Variants in CCDC18 observed in about 807,000 individuals in gnomAD.
CCDC18 encodes the protein coiled-coil domain containing 18.
A neutral mutation model predicts 196.0 loss-of-function variants in CCDC18; 157 were observed. The observed-to-expected ratio is 0.80, with a 90% confidence interval of 0.70 to 0.91. The LOEUF is 0.91. Ranked by LOEUF, CCDC18 falls within the 40% of genes least tolerant of loss-of-function variation. The probability of loss-of-function intolerance (pLI) is 0.00; values close to 1 mark genes in which losing one functional copy is unlikely to be tolerated. For missense variants in CCDC18, 1,465 were observed against 1,611.6 expected, an observed-to-expected ratio of 0.91 and a Z score of 1.56; for synonymous variants, 482 against 529.2, an observed-to-expected ratio of 0.91 and a Z score of 1.22.
At chr1:93,238,954 T>G (rs2100820247) in intron 19 of CCDC18, among the ~76,000 whole-genome samples, 1 of 152,304 alleles carries the variant, frequency 6.6e-6, no homozygotes, top group East Asian at 1.9e-4. Flanking sequence ...GGTGAATAAT[T>G]TGATTGTTTG....
intron 17 of CCDC18, among the ~76,000 whole-genome samples, chr1:93,227,834 C>A (rs1036647702): frequency 7.9e-5 from 12 of 151,028 alleles, no homozygotes; most frequent in African/African-American, 2.7e-4. Flanking sequence ...GGTGCATACC[C>A]GTGGTCCCAG....
intron 16 of CCDC18, among the ~76,000 whole-genome samples, chr1:93,222,882 G>C (rs1657673817): frequency 6.6e-6 from 1 of 152,140 alleles, no homozygotes; most frequent in Admixed American, 6.6e-5. Flanking sequence ...TATGTAGCTT[G>C]AATATAAAAG....
At position 93,207,249 on chromosome 1, in the gene CCDC18, C is replaced by T. The variant is rs1206778301; in HGVS notation, c.1060C>T (p.Leu354Phe). Residue 354 changes from leucine to phenylalanine, a missense_variant, in exon 9 of 29, where the codon CTT (leucine) becomes TTT (phenylalanine). Coordinates refer to ENST00000690025, the MANE Select transcript of CCDC18 (RefSeq NM_001378204.1). ...TGAGTTAGAGAACAAAGACGAAATACTTAGAGACAAATTTTCTTTAATGAA... is the reference window on the plus strand; with the variant it reads ...TGAGTTAGAGAACAAAGACGAAATATTTAGAGACAAATTTTCTTTAATGAA... ...ESELENKDEI[L>F]RDKFSLMNEN... 2 of 1,613,482 alleles carry T rather than the reference C, an allele frequency of 1.2e-6. No individual in the cohort carries two copies. Among genetic ancestry groups the T allele is most frequent in the South Asian group, 2.2e-5 (2 of 91,050 alleles).
intron 26 of CCDC18, among the ~76,000 whole-genome samples, chr1:93,264,326 T>C (rs1664206911): frequency 6.6e-6 from 1 of 152,180 alleles, no homozygotes; most frequent in African/African-American, 2.4e-5. Context: ...GGGCTATTTT[T>C]TGGAACAGAA....
intron 10 of CCDC18, among the ~76,000 whole-genome samples, chr1:93,211,149 G>A (rs562129043): frequency 1.3e-5 from 2 of 151,640 alleles, no homozygotes; most frequent in South Asian, 2.1e-4. Context: ...GTGGTGGCAC[G>A]CGCCTGTAAT....
At position 93,226,333 on chromosome 1, in the gene CCDC18, GT is replaced by G; in HGVS notation, c.2178del (p.Arg727GlyfsTer3). The G allele has an allele frequency of 7.3e-7, 1 of 1,367,344 alleles. No individual in the cohort carries two copies. The highest frequency in any genetic ancestry group is 1.8e-4 in the Middle Eastern group (1 of 5,436). 84.7% of individuals were successfully genotyped at this position (1,367,344 alleles called of 1,614,324 possible). On this transcript the variant is annotated frameshift_variant and splice_region_variant, in exon 17 of 29. Transcript: ENST00000690025. LOFTEE classifies it high-confidence loss of function. ...QNQVSEETIK[V>X]RQLDSALEIC... The stretch of plus-strand genomic sequence containing the variant: ...TTTTTTTGCTTTTTTTCCTGCTTAG[GT>G]TAGGCAACTAGATTCAGCATTGGAA...
In CCDC18 at chr1:93,201,953, C is replaced by T. The variant is rs1398827363; in HGVS notation, c.760C>T (p.Gln254Ter). ...CGAAGAGCTGAGTAAAGCTTTCCAA[C>T]AATATAAAAAAAAAGTGGCTGAAAA... The part of the protein sequence containing the change: ...NAEELSKAFQ[Q>*]YKKKVAEKLE... Residue 254 changes from glutamine to a stop codon, truncating the protein, a stop_gained, in exon 7 of 29, where the codon CAA becomes TAA. Transcript: ENST00000690025. LOFTEE classifies it high-confidence loss of function. The T allele has an allele frequency of 1.9e-6, 3 of 1,606,130 alleles. No individual in the cohort carries two copies. Among genetic ancestry groups the T allele is most frequent in the East Asian group, 4.5e-5 (2 of 44,370 alleles).
chr1:93,228,508 A>G (rs67773338), intron 17 of CCDC18, among the ~76,000 whole-genome samples: 5 of 87,182 alleles, frequency 5.7e-5, no homozygotes, highest in Non-Finnish European at 1.1e-4. Context: ...TTAGAAGTTT[A>G]AAAAAAAAAA....
At chr1:93,261,814 A>G (rs1459643953) in intron 26 of CCDC18, among the ~76,000 whole-genome samples, 2 of 152,176 alleles carry the variant, frequency 1.3e-5, no homozygotes, top group African/African-American at 4.8e-5. Context: ...TCTATATTCA[A>G]TAAGTATCTT....
At chr1:93,272,670 TTG>T (rs1250050402) in intron 28 of CCDC18, among the ~76,000 whole-genome samples, 1 of 152,314 alleles carries the variant, frequency 6.6e-6, no homozygotes, top group East Asian at 1.9e-4. Context: ...TGAAAGCCTG[TTG>T]TAGAGTGGGT....
In CCDC18 at chr1:93,264,910, A is replaced by T. The variant is rs944592598; in HGVS notation, c.3885+9A>T. Reference sequence around the variant, plus strand: ...AAGCATTACTTACTAAAGTAAGTAAACATATAAAAGTAATAAAGCATATCT... The same window carrying T: ...AAGCATTACTTACTAAAGTAAGTAATCATATAAAAGTAATAAAGCATATCT... On this transcript the variant is annotated intron_variant, in intron 27 of 28. Coordinates refer to ENST00000690025, the MANE Select transcript of CCDC18 (RefSeq NM_001378204.1). 7 of 1,532,274 alleles carry T rather than the reference A, an allele frequency of 4.6e-6. No individual in the cohort carries two copies. The highest frequency in any genetic ancestry group is 1.8e-6 in the Non-Finnish European group (2 of 1,105,938). 94.9% of individuals were successfully genotyped at this position (1,532,274 alleles called of 1,614,324 possible).
chr1:93,199,028 G>T (rs1323589202), intron 6 of CCDC18, among the ~76,000 whole-genome samples: 1 of 152,210 alleles, frequency 6.6e-6, no homozygotes, highest in Non-Finnish European at 1.5e-5. Context: ...CATGGAGAAA[G>T]AAATTTTTAT....
chr1:93,256,366 C>G lies in CCDC18; in HGVS notation c.3374C>G (p.Thr1125Ser), dbSNP rs1662959616. The G allele has an allele frequency of 2.5e-6, 4 of 1,613,960 alleles. No individual in the cohort carries two copies. The highest frequency in any genetic ancestry group is 3.3e-5 in the Admixed American group (2 of 59,986). ...AAAGAGCAAGAACAGTACATTGCCA[C>G]TCAGTACAAGGAGGCCATAGATTTG... Reference protein sequence around the residue: ...VMKEQEQYIATQYKEAIDLGQ... With the variant: ...VMKEQEQYIASQYKEAIDLGQ... Residue 1125 changes from threonine (T) to serine (S), a missense_variant, in exon 25 of 29, where the codon ACT (threonine) becomes AGT (serine). By Grantham distance (58) the Thr-to-Ser change is moderately conservative. Coordinates refer to ENST00000690025, the MANE Select transcript of CCDC18 (RefSeq NM_001378204.1).
upstream of CCDC18, chr1:93,180,358 A>G: frequency 7.4e-7 from 1 of 1,350,716 alleles, no homozygotes; most frequent in Non-Finnish European, 1.0e-6. Context: ...AAGAAACTCC[A>G]GGTGGCGGCC....
chr1:93,273,880 C>T (rs1011028979), intron 28 of CCDC18, among the ~76,000 whole-genome samples: 49 of 152,114 alleles, frequency 3.2e-4, no homozygotes, highest in Admixed American at 2.4e-3. Flanking sequence ...TAAATTAACT[C>T]ATTTAATCCT....
rs1449586665 is a variant in CCDC18, at chr1:93,232,477, A to T, written c.2344A>T (p.Thr782Ser). Residue 782 changes from threonine (T) to serine (S), a missense_variant, in exon 18 of 29, where the codon ACT becomes TCT. Coordinates refer to ENST00000690025, the MANE Select transcript of CCDC18 (RefSeq NM_001378204.1). Reference protein sequence around the residue: ...LKIKNHSLQETSEQNVILQHT... With the variant: ...LKIKNHSLQESSEQNVILQHT... ...GATAAAAAATCACAGTCTTCAAGAG[A>T]CTTCTGAGCAAAACGTTATTCTACA... The T allele has an allele frequency of 1.2e-6, 2 of 1,611,594 alleles. No individual in the cohort carries two copies. Among genetic ancestry groups the T allele is most frequent in the Non-Finnish European group, 1.7e-6 (2 of 1,178,274 alleles).
At chr1:93,190,228 G>A (rs988185994) in intron 4 of CCDC18, among the ~76,000 whole-genome samples, 3 of 152,118 alleles carry the variant, frequency 2.0e-5, no homozygotes, top group South Asian at 2.1e-4. Flanking sequence ...GGCGGCTCAC[G>A]CCTGTAATTC....
rs994742447 is a variant in CCDC18, at chr1:93,239,958, T to C, written c.2981+62T>C. The C allele has an allele frequency of 2.2e-5, 25 of 1,151,446 alleles. No homozygotes were observed. In the Admixed American group the frequency reaches 2.8e-4, roughly 13 times the overall value. The allele number at this position is 1,151,446 out of a possible 1,614,324, so 71.3% of individuals were successfully genotyped here. A position where few individuals can be genotyped will look rare whatever the true frequency, so the allele number is the denominator to read the frequency against. The stretch of plus-strand genomic sequence containing the variant: ...AGTCCTTGGATAATACAATAAAATA[T>C]GTTGTTGCATTCTAGACGTCTAAAT... On this transcript the variant is annotated intron_variant, in intron 21 of 28. Coordinates refer to ENST00000690025, the MANE Select transcript of CCDC18 (RefSeq NM_001378204.1).
chr1:93,190,801 C>T, intron 4 of CCDC18: 1 of 693,880 alleles, frequency 1.4e-6, no homozygotes. Flanking sequence ...AAGCTTGCAT[C>T]TTTTAATACT....
Sources: allele counts gnomAD v4.1 joint callset (sites outside exome capture counted in the v4.1 genomes callset), GRCh38; gene constraint gnomAD v4.1.1; transcripts MANE v1.5; gene names NCBI Gene and HGNC (gene_info 2026-07-23, HGNC 2026-07-21).